The following PRKG1 variants were observed in gnomAD, a reference collection of about 807,000 sequenced individuals.
PRKG1 encodes the protein protein kinase cGMP-dependent 1.
PRKG1 carries 35 observed loss-of-function variants against 88.1 expected under a neutral mutation model. That is an observed-to-expected ratio of 0.40 (90% confidence interval 0.30 to 0.53). The LOEUF is 0.53. Ranked by LOEUF, PRKG1 falls within the 20% of genes least tolerant of loss-of-function variation. PRKG1 has a pLI of 0.59. For missense variants in PRKG1, 540 were observed against 839.8 expected, an observed-to-expected ratio of 0.64 and a Z score of 4.41; for synonymous variants, 303 against 292.5, an observed-to-expected ratio of 1.04 and a Z score of -0.37.
chr10:51,845,742 C>T (rs1840380768), intron 4 of PRKG1, among the ~76,000 whole-genome samples: 1 of 152,084 alleles, frequency 6.6e-6, no homozygotes, highest in Non-Finnish European at 1.5e-5. Flanking sequence ...TAATTCTCTA[C>T]CACATGTGTA....
chr10:51,418,753 G>T (rs550523013), intron 2 of PRKG1, among the ~76,000 whole-genome samples: 26 of 152,252 alleles, frequency 1.7e-4, no homozygotes, highest in African/African-American at 5.8e-4. Flanking sequence ...ACAGTGGAGG[G>T]CTATTGAATG....
At chr10:51,479,820 C>T (rs931950337) in intron 3 of PRKG1, among the ~76,000 whole-genome samples, 2 of 152,008 alleles carry the variant, frequency 1.3e-5, no homozygotes, top group African/African-American at 4.8e-5. Context: ...AACAGTAATA[C>T]ATGTGTGGTG....
intron 2 of PRKG1, among the ~76,000 whole-genome samples, chr10:51,331,557 G>A (rs1841741969): frequency 6.6e-6 from 1 of 152,148 alleles, no homozygotes; most frequent in South Asian, 2.1e-4. Context: ...ATGCTTAGCT[G>A]TGCAACCTGA....
intron 5 of PRKG1, among the ~76,000 whole-genome samples, chr10:52,013,421 A>G (rs1248504047): frequency 2.0e-5 from 3 of 149,488 alleles, no homozygotes; most frequent in African/African-American, 7.3e-5. Context: ...TCCGTCTCAA[A>G]AAAAAAAAAA....
At chr10:51,356,305 C>G (rs879893428) in intron 2 of PRKG1, among the ~76,000 whole-genome samples, 3 of 151,882 alleles carry the variant, frequency 2.0e-5, no homozygotes, top group Non-Finnish European at 4.4e-5. Context: ...TGTCACTGCT[C>G]TGATTCAAAC....
chr10:51,548,024 C>A (rs914150881), intron 3 of PRKG1, among the ~76,000 whole-genome samples: 39 of 152,020 alleles, frequency 2.6e-4, no homozygotes, highest in Admixed American at 2.2e-3. Flanking sequence ...GTTATCCGTA[C>A]AAATAGGCTG....
At position 51,317,098 on chromosome 10, in the gene PRKG1, T is replaced by C. The variant is rs185209049; in HGVS notation, c.479-150625T>C. 9.0e-4 allele frequency among the ~76,000 whole-genome samples: 137 copies of C among 152,316 alleles called. 1 individual carries two copies. Among genetic ancestry groups the C allele is most frequent in the African/African-American group, 3.2e-3 (134 of 41,576 alleles). ...ATGAAAGGTCTTTTATTTTTTCCCC[T>C]TCACACCTGTCCTGCAGGTATCACA... On this transcript the variant is annotated intron_variant, in intron 2 of 17. Coordinates refer to ENST00000373980, the MANE Select transcript of PRKG1 (RefSeq NM_006258.4).
chr10:51,873,095 A>G (rs1841201995), intron 4 of PRKG1, among the ~76,000 whole-genome samples: 1 of 152,148 alleles, frequency 6.6e-6, no homozygotes, highest in Admixed American at 6.5e-5. Flanking sequence ...AATTATTTTA[A>G]TTCTTCAGTA....
chr10:51,323,413 C>T (rs2132512793), intron 2 of PRKG1, among the ~76,000 whole-genome samples: 2 of 152,196 alleles, frequency 1.3e-5, no homozygotes, highest in South Asian at 4.1e-4. Context: ...ATTAGATGAC[C>T]TATATTCAGA....
At chr10:51,119,049 A>ACAACT in intron 1 of PRKG1, among the ~76,000 whole-genome samples, 1 of 152,222 alleles carries the variant, frequency 6.6e-6, no homozygotes, top group Admixed American at 6.6e-5. Flanking sequence ...TTGTCCTTAG[A>ACAACT]ATAATTCTTC....
In PRKG1 at chr10:52,296,353, G is replaced by T. The variant is rs1329474181; in HGVS notation, c.*2453G>T. ...TTCTCCCACTTGTTACTGCATCTTT[G>T]TTCATTTCACCCATAGCATTGCATT... On this transcript the variant is annotated 3_prime_UTR_variant, in exon 18 of 18. Transcript: ENST00000373980. 6.6e-6 allele frequency: 1 copy of T among 152,122 alleles called. No individual in the cohort carries two copies. Among genetic ancestry groups the T allele is most frequent in the Middle Eastern group, 3.4e-3 (1 of 294 alleles). The allele number at this position is 152,122 out of a possible 1,614,324, so 9.4% of individuals were successfully genotyped here. A position where few individuals can be genotyped will look rare whatever the true frequency, so the allele number is the denominator to read the frequency against.
chr10:51,557,512 T>A (rs1837344959), intron 3 of PRKG1, among the ~76,000 whole-genome samples: 2 of 151,964 alleles, frequency 1.3e-5, no homozygotes, highest in Admixed American at 6.6e-5. Flanking sequence ...GGCTTTATTG[T>A]CATACACTCC....
chr10:52,046,246 TA>T (rs1372815227), intron 5 of PRKG1, among the ~76,000 whole-genome samples: 2 of 152,132 alleles, frequency 1.3e-5, no homozygotes, highest in Admixed American at 6.6e-5. Flanking sequence ...TTTTATGAGT[TA>T]TAAGATTCAG....
chr10:51,887,236 C>T (rs1340274464), intron 4 of PRKG1, among the ~76,000 whole-genome samples: 1 of 152,186 alleles, frequency 6.6e-6, no homozygotes, highest in African/African-American at 2.4e-5. Context: ...CTCCCTGTCT[C>T]AGCCTCCCAA....
At chr10:51,383,696 G>T (rs948384929) in intron 2 of PRKG1, among the ~76,000 whole-genome samples, 6 of 152,026 alleles carry the variant, frequency 3.9e-5, no homozygotes, top group African/African-American at 1.5e-4. Context: ...GGAAACTACT[G>T]GCCTATTCCA....
intron 2 of PRKG1, among the ~76,000 whole-genome samples, chr10:51,442,073 GA>G (rs201767879): frequency 2.9e-4 from 43 of 146,226 alleles, no homozygotes; most frequent in South Asian, 2.0e-3. Flanking sequence ...TTTTTACCAG[GA>G]AAAAAAAAAC....
intron 3 of PRKG1, among the ~76,000 whole-genome samples, chr10:51,620,983 ATG>A (rs1314158540): frequency 0.012 from 1,351 of 116,506 alleles, 18 homozygotes; most frequent in Middle Eastern, 0.04. Context: ...CCGTATATGT[ATG>A]TGTGTGTGTG....
In PRKG1 at chr10:51,674,664, G is replaced by A. The variant is rs533857600; in HGVS notation, c.593-129921G>A. Among the ~76,000 whole-genome samples, 94 of 152,214 alleles carry A rather than the reference G, an allele frequency of 6.2e-4. 1 individual carries two copies. The South Asian group carries it at 0.018, about 30-fold the overall frequency. On this transcript the variant is annotated intron_variant, in intron 3 of 17. Coordinates refer to ENST00000373980, the MANE Select transcript of PRKG1 (RefSeq NM_006258.4). ...GGTCTTAAAGACAATTTAAAAATTA[G>A]GAGTTCGAATGTAAGTTAGATTTCA...
chr10:51,443,982 A>G (rs1471680190), intron 2 of PRKG1, among the ~76,000 whole-genome samples: 2 of 150,034 alleles, frequency 1.3e-5, no homozygotes, highest in Non-Finnish European at 3.0e-5. Context: ...AATAGACATA[A>G]TGCGCTCATT....
Sources: gnomAD v4.1 joint callset for allele counts (sites outside exome capture counted in the v4.1 genomes callset) on GRCh38, gnomAD v4.1.1 for gene constraint, MANE v1.5 for transcripts, NCBI Gene and HGNC (gene_info 2026-07-23, HGNC 2026-07-21) for gene names.